DMD: variants seen among roughly 807,000 people sequenced by gnomAD.
The protein encoded by DMD is dystrophin, also known as mutant dystrophin.
A neutral mutation model predicts 330.1 loss-of-function variants in DMD; 63 were observed. The ratio of observed to expected loss-of-function variants is 0.19; its 90% CI spans 0.16 to 0.24. The LOEUF is 0.24. Among genes scored for constraint, DMD ranks in the 10% least tolerant of loss-of-function variants. The pLI is 1.00. For synonymous variants in DMD, 1,223 were observed against 959.8 expected (o/e 1.27, Z -5.07); for missense variants, 3,344 against 2,684.1 (o/e 1.25, Z -5.43).
intron 1 of DMD, among the ~76,000 whole-genome samples, chrX:33,218,997 C>T (rs770834016): frequency 1.3e-4 from 15 of 111,211 alleles, no homozygotes; most frequent in African/African-American, 4.9e-4. Flanking sequence ...TTATTTGTTG[C>T]AAAATGTTTT....
chrX:33,204,436 A>G (rs2051451365), intron 1 of DMD, among the ~76,000 whole-genome samples: 1 of 111,438 alleles, frequency 9.0e-6, no homozygotes, highest in Non-Finnish European at 1.9e-5. Flanking sequence ...TTGGACAACT[A>G]TACTCTAACC....
At chrX:32,492,110 T>G (rs889172128) in intron 19 of DMD, among the ~76,000 whole-genome samples, 4 of 111,192 alleles carry the variant, frequency 3.6e-5, no homozygotes, top group African/African-American at 9.8e-5. Flanking sequence ...GAGGCCGAGG[T>G]GGGGGATCAC....
chrX:33,157,106 A>T lies in DMD; in HGVS notation c.31+54176T>A, dbSNP rs755505247. Among the ~76,000 whole-genome samples, 5 of 111,594 alleles carry T rather than the reference A, an allele frequency of 4.5e-5. No homozygotes were observed. In the East Asian group the frequency reaches 1.4e-3, roughly 32 times the overall value. On this transcript the variant is annotated intron_variant, in intron 1 of 78. Coordinates refer to ENST00000357033, the MANE Select transcript of DMD (RefSeq NM_004006.3). Reference sequence around the variant, plus strand: ...TGTTAAAAAGTACTACAAACTGGGTAGGGTTTGTAGTTGTTTGTTTGTTTT... The same window carrying T: ...TGTTAAAAAGTACTACAAACTGGGTTGGGTTTGTAGTTGTTTGTTTGTTTT...
intron 23 of DMD, among the ~76,000 whole-genome samples, chrX:32,465,585 T>G (rs7055799): frequency 4.0e-5 from 3 of 75,495 alleles, no homozygotes; most frequent in African/African-American, 1.0e-4. Flanking sequence ...GTTTTTTGTT[T>G]TTTTTTTTTT....
intron 62 of DMD, among the ~76,000 whole-genome samples, chrX:31,265,145 T>C (rs772143260): frequency 5.3e-5 from 6 of 112,419 alleles, no homozygotes; most frequent in African/African-American, 1.9e-4. Context: ...GAGCGTTCTC[T>C]TGCGATTTGC....
intron 43 of DMD, among the ~76,000 whole-genome samples, chrX:32,237,611 C>T (rs1240894262): frequency 9.0e-6 from 1 of 111,451 alleles, no homozygotes; most frequent in Non-Finnish European, 1.9e-5. Context: ...ATCCCCTGTC[C>T]CCTCAGAGTT....
At chrX:32,314,130 C>A (rs12393256) in intron 41 of DMD, among the ~76,000 whole-genome samples, 5,615 of 111,368 alleles carry the variant, frequency 0.05, 357 homozygotes, top group African/African-American at 0.17. Flanking sequence ...AGGCATCACG[C>A]TACCTGACTT....
intron 62 of DMD, among the ~76,000 whole-genome samples, chrX:31,319,803 A>AT (rs1474780105): frequency 8.9e-6 from 1 of 112,455 alleles, no homozygotes; most frequent in East Asian, 2.8e-4. Flanking sequence ...CAGAAGAACA[A>AT]TTTTCTAACT....
intron 2 of DMD, among the ~76,000 whole-genome samples, chrX:32,931,621 T>TCA (rs1309503906): frequency 9.0e-6 from 1 of 111,215 alleles, no homozygotes; most frequent in Non-Finnish European, 1.9e-5. Context: ...GTATTCATAG[T>TCA]CACACACATA....
At position 31,559,451 on chromosome X, in the gene DMD, G is replaced by A. The variant is rs778307613; in HGVS notation, c.8218-51998C>T. 3.2e-4 allele frequency among the ~76,000 whole-genome samples: 30 copies of A among 93,346 alleles called. 1 individual carries two copies. The South Asian group carries it at 0.014, about 44-fold the overall frequency. The allele number at this position is 93,346 out of a possible 115,157, so 81.1% of individuals were successfully genotyped here. On this transcript the variant is annotated intron_variant, in intron 55 of 78. Transcript: ENST00000357033. ...AGGTCAGGAGATCGAGACCATCCTG[G>A]CTAACACGGTGAAACCCCGTCTCTA...
intron 11 of DMD, among the ~76,000 whole-genome samples, chrX:32,642,623 C>CT (rs952884530): frequency 8.9e-6 from 1 of 111,947 alleles, no homozygotes; most frequent in East Asian, 2.8e-4. Flanking sequence ...AGATAAAAGA[C>CT]TTTTTTTATG....
At chrX:31,820,637 G>A (rs2092733461) in intron 49 of DMD, among the ~76,000 whole-genome samples, 1 of 111,772 alleles carries the variant, frequency 8.9e-6, no homozygotes, top group Non-Finnish European at 1.9e-5. Context: ...GCTGCAGAGA[G>A]CTGCCTTGTC....
intron 7 of DMD, among the ~76,000 whole-genome samples, chrX:32,714,150 C>A (rs2065454403): frequency 9.0e-6 from 1 of 111,583 alleles, no homozygotes; most frequent in Admixed American, 9.6e-5. Context: ...AAGTCAGGGA[C>A]CATCTAGATC....
At chrX:31,135,648 G>A (rs1569316865) in intron 76 of DMD, among the ~76,000 whole-genome samples, 1 of 112,426 alleles carries the variant, frequency 8.9e-6, no homozygotes, top group Non-Finnish European at 1.9e-5. Context: ...ATGTGTTAAA[G>A]AAATACACTT....
intron 32 of DMD, among the ~76,000 whole-genome samples, chrX:32,387,083 A>G (rs1366648087): frequency 9.0e-6 from 1 of 111,286 alleles, no homozygotes; most frequent in Non-Finnish European, 1.9e-5. Context: ...TTATTTTCTT[A>G]AAAGTGCTGA....
At chrX:32,515,033 G>A (rs1416702728) in intron 18 of DMD, among the ~76,000 whole-genome samples, 5 of 112,325 alleles carry the variant, frequency 4.5e-5, no homozygotes, top group Admixed American at 3.8e-4. Flanking sequence ...CATGAAGAGA[G>A]CAGTATCTTT....
chrX:32,657,293 A>G (rs1455412055), intron 9 of DMD, among the ~76,000 whole-genome samples: 2 of 111,750 alleles, frequency 1.8e-5, no homozygotes, highest in East Asian at 5.6e-4. Flanking sequence ...ATTTAGAGAA[A>G]TGTACCTAGA....
At chrX:31,589,753 A>G (rs142067256) in intron 55 of DMD, among the ~76,000 whole-genome samples, 60 of 111,786 alleles carry the variant, frequency 5.4e-4, no homozygotes, top group African/African-American at 1.9e-3. Flanking sequence ...ATTAAATTAA[A>G]TTCACATAAT....
At chrX:31,841,096 TGAA>T (rs972668942) in intron 48 of DMD, among the ~76,000 whole-genome samples, 10 of 111,666 alleles carry the variant, frequency 9.0e-5, no homozygotes, top group African/African-American at 3.2e-4. Flanking sequence ...GAAAAATTCT[TGAA>T]GAAAATTAAA....
Sources: gnomAD v4.1 joint callset for allele counts (sites outside exome capture counted in the v4.1 genomes callset) on GRCh38, gnomAD v4.1.1 for gene constraint, MANE v1.5 for transcripts, NCBI Gene and HGNC (gene_info 2026-07-23, HGNC 2026-07-21) for gene names.